SASH1: variants seen among roughly 807,000 people sequenced by gnomAD.
SASH1 encodes the protein SAM and SH3 domain containing 1, also known as SAM and SH3 domain-containing protein 1.
In SASH1, 44 loss-of-function variants were observed where a neutral mutation model predicts 125.2. The observed-to-expected ratio is 0.35, with a 90% CI of 0.28 to 0.45. The LOEUF is 0.45. Ranked by LOEUF, SASH1 falls within the 20% of genes least tolerant of loss-of-function variation. The pLI, the probability that SASH1 is intolerant of heterozygous loss-of-function variation, is 1.00. For synonymous variants in SASH1, 639 were observed against 649.1 expected (o/e 0.98, Z 0.24); for missense variants, 1,426 against 1,614.5 (o/e 0.88, Z 2.00).
chr6:148,282,834 T>C (rs1779378402), intron 1 of SASH1, among the ~76,000 whole-genome samples: 1 of 152,102 alleles, frequency 6.6e-6, no homozygotes, highest in South Asian at 2.1e-4. Flanking sequence ...TGCGGTATCC[T>C]TTCACCAATC....
chr6:148,489,955 C>T (rs1779031355), intron 8 of SASH1, among the ~76,000 whole-genome samples: 1 of 145,596 alleles, frequency 6.9e-6, no homozygotes, highest in Admixed American at 6.9e-5. Context: ...ATTGCTTGAG[C>T]CCAGAAGGCC....
At chr6:148,232,952 A>AT in the SASH1 span, among the ~76,000 whole-genome samples, 1 of 152,144 alleles carries the variant, frequency 6.6e-6, no homozygotes, top group Admixed American at 6.5e-5. Context: ...GGAAACTGAA[A>AT]TTCAGAGAGG....
intron 5 of SASH1, 128 bp downstream of exon 5, chr6:148,468,713 G>T (rs1413565530): frequency 6.4e-5 from 39 of 611,322 alleles, no homozygotes; most frequent in Non-Finnish European, 1.0e-4. Context: ...AGATTTTGAT[G>T]TACATCCTTA....
the SASH1 span, among the ~76,000 whole-genome samples, chr6:148,246,587 C>T: frequency 6.6e-6 from 1 of 152,192 alleles, no homozygotes; most frequent in South Asian, 2.1e-4. Flanking sequence ...TAAATATTTG[C>T]AGATCAGATA....
chr6:148,209,161 C>T, the SASH1 span, among the ~76,000 whole-genome samples: 1 of 152,202 alleles, frequency 6.6e-6, no homozygotes, highest in African/African-American at 2.4e-5. Flanking sequence ...CTTTATAAAT[C>T]ACCTGAATTT....
chr6:148,536,740 A>G (rs979672183), intron 16 of SASH1, among the ~76,000 whole-genome samples: 28 of 152,232 alleles, frequency 1.8e-4, no homozygotes, highest in African/African-American at 6.8e-4. Flanking sequence ...ATCTGTGCTT[A>G]GACTGCTCCA....
chr6:148,468,578 C>T lies in SASH1; in HGVS notation c.420C>T (p.Ser140=). The T allele has an allele frequency of 6.2e-7, 1 of 1,603,080 alleles. No individual in the cohort carries two copies. The highest frequency in any genetic ancestry group is 1.1e-5 in the South Asian group (1 of 90,288). Residue 140 remains serine, a synonymous_variant, in exon 5 of 20, where the codon AGC becomes AGT. Coordinates refer to ENST00000367467, the MANE Select transcript of SASH1 (RefSeq NM_015278.5). ...TTCATAAATCAAACTCAGAAGACAGCTCTGTAGGTCAGTACCACTTTTCTT... is the reference window on the plus strand; with the variant it reads ...TTCATAAATCAAACTCAGAAGACAGTTCTGTAGGTCAGTACCACTTTTCTT... ...NPLHKSNSED[S]SVGKGDWKKK...
At chr6:148,380,848 C>T (rs1026915130) in intron 1 of SASH1, among the ~76,000 whole-genome samples, 8 of 152,212 alleles carry the variant, frequency 5.3e-5, no homozygotes, top group African/African-American at 1.9e-4. Context: ...CATGACTTAA[C>T]CGTATGACTG....
intron 1 of SASH1, among the ~76,000 whole-genome samples, chr6:148,299,921 T>C (rs4379315): frequency 0.95 from 143,922 of 152,200 alleles, 68,052 homozygotes; most frequent in East Asian, 0.99. Context: ...TTTTTAGGAG[T>C]AGATAATGTT....
chr6:148,237,542 A>C, the SASH1 span: 1 of 152,190 alleles, frequency 6.6e-6, no homozygotes, highest in African/African-American at 2.4e-5. Flanking sequence ...AATATTCTCA[A>C]GTAATGTCAT....
intron 2 of SASH1, among the ~76,000 whole-genome samples, chr6:148,439,260 G>T (rs949615536): frequency 1.8e-4 from 27 of 152,118 alleles, no homozygotes; most frequent in African/African-American, 6.3e-4. Flanking sequence ...ACAATTTAAT[G>T]ATATTTCAGT....
chr6:148,548,760 G>A lies in SASH1; in HGVS notation c.*202G>A, dbSNP rs951512369. 15 of 528,986 alleles carry A rather than the reference G, an allele frequency of 2.8e-5. No homozygotes were observed. Among genetic ancestry groups the A allele is most frequent in the South Asian group, 2.5e-4 (7 of 27,646 alleles). The allele number at this position is 528,986 out of a possible 1,614,324, so 32.8% of individuals were successfully genotyped here. On this transcript the variant is annotated 3_prime_UTR_variant, in exon 20 of 20. Coordinates refer to ENST00000367467, the MANE Select transcript of SASH1 (RefSeq NM_015278.5). ...CCCCCTCGAGGAAATAAATTAGTGCGGTTCTCTTTGACCCCCAAAGACAAG... is the reference window on the plus strand; with the variant it reads ...CCCCCTCGAGGAAATAAATTAGTGCAGTTCTCTTTGACCCCCAAAGACAAG...
chr6:148,236,306 T>C, the SASH1 span, among the ~76,000 whole-genome samples: 3 of 152,022 alleles, frequency 2.0e-5, no homozygotes, highest in African/African-American at 7.2e-5. Flanking sequence ...CCTCTGCCTC[T>C]GAGTTCCAGT....
At chr6:148,294,624 A>C (rs565404772) in intron 1 of SASH1, among the ~76,000 whole-genome samples, 1 of 152,348 alleles carries the variant, frequency 6.6e-6, no homozygotes, top group African/African-American at 2.4e-5. Flanking sequence ...AAAAGCCTGC[A>C]TGAGGCCTGG....
At chr6:148,310,381 T>C (rs560718962) in intron 1 of SASH1, among the ~76,000 whole-genome samples, 4 of 150,658 alleles carry the variant, frequency 2.7e-5, no homozygotes, top group Admixed American at 6.6e-5. Flanking sequence ...CTCTGCTGTA[T>C]CTATTTAACA....
chr6:148,343,242 G>A lies in SASH1; in HGVS notation c.156+19G>A. On this transcript the variant is annotated intron_variant, in intron 1 of 19. Transcript: ENST00000367467. Reference sequence around the variant, plus strand: ...TATCCTGGTAAGTTACCTGGGGAGGGGGCGGCGCAGGAAGTACAGTTCGCA... The same window carrying A: ...TATCCTGGTAAGTTACCTGGGGAGGAGGCGGCGCAGGAAGTACAGTTCGCA... 1 of 1,576,986 alleles carries A rather than the reference G, an allele frequency of 6.3e-7. No homozygotes were observed.
intron 1 of SASH1, among the ~76,000 whole-genome samples, chr6:148,381,617 C>CTCTTTTT (rs1783136681): frequency 1.3e-5 from 1 of 77,896 alleles, no homozygotes. Context: ...TTCTTGCTTT[C>CTCTTTTT]TTTTTTTTTT....
At chr6:148,217,666 A>G in the SASH1 span, among the ~76,000 whole-genome samples, 1 of 151,980 alleles carries the variant, frequency 6.6e-6, no homozygotes, top group Non-Finnish European at 1.5e-5. Context: ...AGATGCTTCC[A>G]GCGCAGGCCC....
intron 1 of SASH1, among the ~76,000 whole-genome samples, chr6:148,310,051 G>A (rs1780257455): frequency 6.6e-6 from 1 of 152,186 alleles, no homozygotes; most frequent in Non-Finnish European, 1.5e-5. Flanking sequence ...GCTGGGCCTG[G>A]TGGCTCAGGC....
Sources: gnomAD v4.1 joint callset for allele counts (sites outside exome capture counted in the v4.1 genomes callset) on GRCh38, gnomAD v4.1.1 for gene constraint, MANE v1.5 for transcripts, NCBI Gene and HGNC (gene_info 2026-07-23, HGNC 2026-07-21) for gene names.